Variants in IL22RA2 observed in about 807,000 individuals in gnomAD.
IL22RA2 encodes the protein interleukin 22 receptor subunit alpha 2.
IL22RA2 carries 39 observed loss-of-function variants against 30.7 expected under a neutral mutation model. The observed-to-expected ratio is 1.27, with a 90% confidence interval of 0.98 to 1.66. The LOEUF (loss-of-function observed/expected upper bound fraction) is 1.66. IL22RA2 is among the 40% of genes most tolerant of loss of function. IL22RA2 has a pLI of 0.00. For missense variants in IL22RA2, 315 were observed against 312.7 expected, an observed-to-expected ratio of 1.01 and a Z score of -0.05; for synonymous variants, 103 against 105.0, an observed-to-expected ratio of 0.98 and a Z score of 0.11.
In IL22RA2 at chr6:137,173,621, G is replaced by C. The variant is rs1345751741; in HGVS notation, c.-274C>G. On this transcript the variant is annotated 5_prime_UTR_variant, in exon 1 of 7. Coordinates refer to ENST00000296980, the MANE Select transcript of IL22RA2 (RefSeq NM_052962.3). ...GAGAGGTGGAGAGAACTTGACCAGG[G>C]CTCTATAGCGAGTAGTGGTAAAGTG... 2 of 152,166 alleles carry C rather than the reference G, an allele frequency of 1.3e-5. No individual in the cohort carries two copies. Among genetic ancestry groups the C allele is most frequent in the African/African-American group, 2.4e-5 (1 of 41,440 alleles). 9.4% of individuals were successfully genotyped at this position (152,166 alleles called of 1,614,324 possible). A position where few individuals can be genotyped will look rare whatever the true frequency, so the allele number is the denominator to read the frequency against.
chr6:137,169,386 A>G (rs1778689110), intron 1 of IL22RA2, among the ~76,000 whole-genome samples: 1 of 152,224 alleles, frequency 6.6e-6, no homozygotes, highest in South Asian at 2.1e-4. Context: ...GGATCTGTGG[A>G]ACAAAGGCTT....
intron 1 of IL22RA2, among the ~76,000 whole-genome samples, chr6:137,171,795 C>A (rs1778740236): frequency 6.6e-6 from 1 of 152,172 alleles, no homozygotes; most frequent in Non-Finnish European, 1.5e-5. Context: ...TATTGGAGGG[C>A]AGTTGCGCTG....
chr6:137,155,807 T>C (rs917181884), intron 4 of IL22RA2, among the ~76,000 whole-genome samples: 1 of 151,958 alleles, frequency 6.6e-6, no homozygotes, highest in Non-Finnish European at 1.5e-5. Flanking sequence ...AACATAAGGG[T>C]TTTAACCTTT....
At chr6:137,165,852 C>T (rs980375651) in intron 1 of IL22RA2, among the ~76,000 whole-genome samples, 13 of 152,294 alleles carry the variant, frequency 8.5e-5, no homozygotes, top group Middle Eastern at 3.4e-3. Context: ...GTGCCCCACA[C>T]GGTTGTCACT....
In IL22RA2 at chr6:137,147,788, A is replaced by AT. The variant is rs756450081; in HGVS notation, c.575dup (p.Asn192LysfsTer9). ...GTTCATAGTAATCTTCTATAGATAC[A>AT]TTTTTTTCCTTTTGGTATCTATATG... On this transcript the variant is annotated frameshift_variant, in exon 6 of 7. Coordinates refer to ENST00000296980, the MANE Select transcript of IL22RA2 (RefSeq NM_052962.3). LOFTEE classifies it high-confidence loss of function. The AT allele has an allele frequency of 9.3e-6, 15 of 1,609,222 alleles. No individual in the cohort carries two copies. Among genetic ancestry groups the AT allele is most frequent in the African/African-American group, 6.7e-5 (5 of 74,796 alleles).
chr6:137,147,764 T>A lies in IL22RA2; in HGVS notation c.600A>T (p.Glu200Asp). Residue 200 changes from glutamate to aspartate, a missense_variant, in exon 6 of 7, where the codon GAA (glutamate) becomes GAT (aspartate). Physicochemically the swap from Glu to Asp is conservative, Grantham distance 45. Coordinates refer to ENST00000296980, the MANE Select transcript of IL22RA2 (RefSeq NM_052962.3). Reference sequence around the variant, plus strand: ...TAATTATAAAAACTCGGTATAGTAGTTCATAGTAATCTTCTATAGATACAT... The same window carrying A: ...TAATTATAAAAACTCGGTATAGTAGATCATAGTAATCTTCTATAGATACAT... The part of the protein sequence containing the change: ...EKNVSIEDYY[E>D]LLYRVFIINN... 6.3e-7 allele frequency: 1 copy of A among 1,594,646 alleles called. No individual in the cohort carries two copies.
chr6:137,170,314 A>G (rs1201466091), intron 1 of IL22RA2, among the ~76,000 whole-genome samples: 1 of 152,066 alleles, frequency 6.6e-6, no homozygotes, highest in Non-Finnish European at 1.5e-5. Flanking sequence ...AAATTTTAAA[A>G]TCCTTTTAAA....
chr6:137,167,276 G>A (rs1353576462), intron 1 of IL22RA2, among the ~76,000 whole-genome samples: 1 of 152,158 alleles, frequency 6.6e-6, no homozygotes, highest in Non-Finnish European at 1.5e-5. Context: ...AAAAAGTTTT[G>A]CCATGAAACT....
intron 1 of IL22RA2, among the ~76,000 whole-genome samples, chr6:137,172,546 C>G (rs1282865442): frequency 6.6e-6 from 1 of 152,210 alleles, no homozygotes; most frequent in Non-Finnish European, 1.5e-5. Flanking sequence ...AAATGAAATG[C>G]TGTTTTGTTT....
intron 2 of IL22RA2, among the ~76,000 whole-genome samples, chr6:137,160,010 A>C (rs940833676): frequency 6.6e-6 from 1 of 152,210 alleles, no homozygotes; most frequent in African/African-American, 2.4e-5. Context: ...TATTGTTTGG[A>C]CCACCATCAG....
intron 2 of IL22RA2, 31 bp from the exon 3 acceptor site, chr6:137,158,513 A>G (rs1055176279): frequency 3.1e-6 from 5 of 1,612,160 alleles, no homozygotes; most frequent in Non-Finnish European, 3.4e-6. Context: ...AGAACATTGA[A>G]CGTTGCTTGG....
intron 5 of IL22RA2, among the ~76,000 whole-genome samples, chr6:137,150,480 A>ATTTTTT (rs61381227): frequency 3.0e-5 from 3 of 100,542 alleles, no homozygotes; most frequent in Non-Finnish European, 5.9e-5. Context: ...TTCTTTTCTG[A>ATTTTTT]TTTTTTTTTT....
At chr6:137,153,007 G>A (rs1472853673) in intron 5 of IL22RA2, among the ~76,000 whole-genome samples, 2 of 152,130 alleles carry the variant, frequency 1.3e-5, no homozygotes, top group Non-Finnish European at 2.9e-5. Flanking sequence ...CAAAAGGGAG[G>A]GGGCAAGAGA....
At chr6:137,160,250 A>G (rs1398138649) in intron 2 of IL22RA2, among the ~76,000 whole-genome samples, 1 of 152,224 alleles carries the variant, frequency 6.6e-6, no homozygotes, top group African/African-American at 2.4e-5. Flanking sequence ...TCATTTTTGT[A>G]ACATCAGTGC....
intron 4 of IL22RA2, among the ~76,000 whole-genome samples, chr6:137,155,437 ACT>A (rs1468339999): frequency 6.6e-6 from 1 of 151,532 alleles, no homozygotes; most frequent in Non-Finnish European, 1.5e-5. Flanking sequence ...GCTGGTGGGG[ACT>A]CTCTGCAGAG....
intron 1 of IL22RA2, among the ~76,000 whole-genome samples, chr6:137,170,687 G>A (rs534337764): frequency 1.3e-5 from 2 of 152,216 alleles, no homozygotes; most frequent in African/African-American, 4.8e-5. Context: ...AAACTTTCCT[G>A]AACTTTCGGT....
intron 5 of IL22RA2, among the ~76,000 whole-genome samples, chr6:137,149,731 G>T (rs1778250744): frequency 6.6e-6 from 1 of 152,156 alleles, no homozygotes; most frequent in African/African-American, 2.4e-5. Flanking sequence ...TTTTCTGGAG[G>T]AAGTCACAAC....
chr6:137,161,779 G>A lies in IL22RA2; in HGVS notation c.-30C>T, dbSNP rs372515029. The A allele has an allele frequency of 6.3e-7, 1 of 1,593,506 alleles. No individual in the cohort carries two copies. The highest frequency in any genetic ancestry group is 2.2e-5 in the East Asian group (1 of 44,470). Reference sequence around the variant, plus strand: ...GCAAGTGTGACTGTTCAGGCAACCAGTGTTCCTTTTAACCAGCTCAGGACC... The same window carrying A: ...GCAAGTGTGACTGTTCAGGCAACCAATGTTCCTTTTAACCAGCTCAGGACC... On this transcript the variant is annotated 5_prime_UTR_variant, in exon 2 of 7. Coordinates refer to ENST00000296980, the MANE Select transcript of IL22RA2 (RefSeq NM_052962.3).
At chr6:137,148,277 T>C (rs1324447209) in intron 5 of IL22RA2, among the ~76,000 whole-genome samples, 1 of 150,680 alleles carries the variant, frequency 6.6e-6, no homozygotes, top group Non-Finnish European at 1.5e-5. Flanking sequence ...CAGGATCTCA[T>C]TATGTTGCCC....
Sources: allele counts gnomAD v4.1 joint callset (sites outside exome capture counted in the v4.1 genomes callset), GRCh38; gene constraint gnomAD v4.1.1; transcripts MANE v1.5; gene names NCBI Gene and HGNC (gene_info 2026-07-23, HGNC 2026-07-21).